CACHD1: variants seen among roughly 807,000 people sequenced by gnomAD.
CACHD1 encodes cache domain containing 1.
CACHD1 carries 71 observed loss-of-function variants against 138.7 expected under a neutral mutation model. That is an observed-to-expected ratio of 0.51 (90% CI 0.42 to 0.62). The LOEUF is 0.62. CACHD1 is among the 20% of genes least tolerant of loss of function. The pLI is 0.00. For synonymous variants in CACHD1, 578 were observed against 591.5 expected (o/e 0.98, Z 0.33); for missense variants, 1,389 against 1,625.3 (o/e 0.85, Z 2.50).
At chr1:64,494,741 TA>T (rs1646296830) in intron 1 of CACHD1, among the ~76,000 whole-genome samples, 1 of 152,196 alleles carries the variant, frequency 6.6e-6, no homozygotes, top group Admixed American at 6.5e-5. Context: ...AAGTAGAACT[TA>T]AAATAGTGCT....
chr1:64,500,831 T>C (rs970997469), intron 1 of CACHD1, among the ~76,000 whole-genome samples: 1 of 151,554 alleles, frequency 6.6e-6, no homozygotes, highest in African/African-American at 2.4e-5. Flanking sequence ...GTGGATCACC[T>C]GAGCTCAGGA....
At position 64,494,011 on chromosome 1, in the gene CACHD1, C is replaced by T. The variant is rs956965061; in HGVS notation, c.198+23069C>T. On this transcript the variant is annotated intron_variant, in intron 1 of 26. Transcript: ENST00000651257. ...TGGCAGAGCTGGGAAGGACCTGCTC[C>T]AGAATAATGGGAGGGAGCGGTGGGA... is the stretch of plus-strand genomic sequence containing the variant. Among the ~76,000 whole-genome samples, 7 of 152,280 alleles carry T rather than the reference C, an allele frequency of 4.6e-5. No individual in the cohort carries two copies. The South Asian group carries it at 1.0e-3, about 23-fold the overall frequency.
intron 2 of CACHD1, among the ~76,000 whole-genome samples, chr1:64,568,846 T>C (rs1257485418): frequency 1.3e-5 from 2 of 152,170 alleles, no homozygotes; most frequent in Non-Finnish European, 2.9e-5. Context: ...AAGCAATATA[T>C]ATCTATTGTT....
In CACHD1 at chr1:64,673,197, C is replaced by T; in HGVS notation, c.2550C>T (p.His850=). 6.2e-7 allele frequency: 1 copy of T among 1,613,794 alleles called. No homozygotes were observed. Among genetic ancestry groups the T allele is most frequent in the Non-Finnish European group, 8.5e-7 (1 of 1,179,972 alleles). ...IMEDRGYLVA[H]PTLIDPKGHA... ...AGGACAGGGGTTATCTGGTGGCGCACCCGACTCTCATCGACCCCAAAGGAC... is the reference window on the plus strand; with the variant it reads ...AGGACAGGGGTTATCTGGTGGCGCATCCGACTCTCATCGACCCCAAAGGAC... The change falls in exon 18 of 27, where the codon CAC becomes CAT. Residue 850 remains histidine (H), a synonymous_variant. Coordinates refer to ENST00000651257, the MANE Select transcript of CACHD1 (RefSeq NM_020925.4).
intron 1 of CACHD1, among the ~76,000 whole-genome samples, chr1:64,543,362 TC>T (rs1646691686): frequency 6.8e-6 from 1 of 145,998 alleles, no homozygotes; most frequent in African/African-American, 2.6e-5. Context: ...TTGAGACCAA[TC>T]TCAGTGACAT....
chr1:64,665,739 G>T (rs868742047), intron 15 of CACHD1, among the ~76,000 whole-genome samples: 1 of 152,050 alleles, frequency 6.6e-6, no homozygotes, highest in South Asian at 2.1e-4. Context: ...TGACTTGGCC[G>T]GGTGCGGTGA....
intron 2 of CACHD1, among the ~76,000 whole-genome samples, chr1:64,575,830 G>A (rs1646962871): frequency 6.6e-6 from 1 of 152,010 alleles, no homozygotes; most frequent in African/African-American, 2.4e-5. Context: ...CTAACTATGT[G>A]CCCACCCCAC....
chr1:64,503,856 A>G (rs563446246), intron 1 of CACHD1, among the ~76,000 whole-genome samples: 4 of 152,308 alleles, frequency 2.6e-5, no homozygotes, highest in African/African-American at 9.6e-5. Context: ...AGCCATCAGC[A>G]TAGTGACCTG....
At chr1:64,561,166 T>C (rs1232345011) in intron 2 of CACHD1, among the ~76,000 whole-genome samples, 2 of 151,654 alleles carry the variant, frequency 1.3e-5, no homozygotes, top group Non-Finnish European at 2.9e-5. Context: ...GGGTTTTTTT[T>C]CTGTTTTTTT....
chr1:64,475,941 C>T (rs1447917743), intron 1 of CACHD1, among the ~76,000 whole-genome samples: 1 of 152,154 alleles, frequency 6.6e-6, no homozygotes, highest in Non-Finnish European at 1.5e-5. Flanking sequence ...GACATAGAGG[C>T]ATTACACTGC....
At chr1:64,647,210 C>T (rs1343569668) in intron 8 of CACHD1, among the ~76,000 whole-genome samples, 1 of 152,046 alleles carries the variant, frequency 6.6e-6, no homozygotes, top group Non-Finnish European at 1.5e-5. Flanking sequence ...AAATCAAGTT[C>T]AGTATTATCC....
Position 64,682,060 on chromosome 1 carries a change from A to C in CACHD1, c.3540A>C (p.Glu1180Asp). The C allele has an allele frequency of 6.2e-7, 1 of 1,614,130 alleles. No individual in the cohort carries two copies. The highest frequency in any genetic ancestry group is 8.5e-7 in the Non-Finnish European group (1 of 1,180,012). Reference sequence around the variant, plus strand: ...TCGAACGACATGCACACAGTCCAGAAAGAAGGCGCCGCTACTGGGGTCGAT... The same window carrying C: ...TCGAACGACATGCACACAGTCCAGACAGAAGGCGCCGCTACTGGGGTCGAT... Reference protein sequence around the residue: ...AVIERHAHSPERRRRYWGRSG... With the variant: ...AVIERHAHSPDRRRRYWGRSG... Residue 1180 changes from glutamate to aspartate, a missense_variant, in exon 26 of 27, where the codon GAA (glutamate) becomes GAC (aspartate). By Grantham distance (45) the Glu-to-Asp change is conservative (BLOSUM62 2). Around this residue, in one of 5 missense-constraint regions of CACHD1, gnomAD observed 250 missense variants for 292.9 expected, o/e 0.85. Coordinates refer to ENST00000651257, the MANE Select transcript of CACHD1 (RefSeq NM_020925.4).
rs1346761797 is a variant in CACHD1, at chr1:64,629,397, A to G, written c.560A>G (p.Gln187Arg). 2 of 1,614,098 alleles carry G rather than the reference A, an allele frequency of 1.2e-6. No individual in the cohort carries two copies. The highest frequency in any genetic ancestry group is 2.2e-5 in the East Asian group (1 of 44,866). ...AAATCCAACCCTGGAATTAAGTGGC[A>G]ATATTTCAGTTCAGAAGAAGGAATT... ...NLKSNPGIKW[Q>R]YFSSEEGIFT... The change falls in exon 5 of 27, where the codon CAA (glutamine) becomes CGA (arginine). Residue 187 changes from glutamine to arginine, a missense_variant. Physicochemically the swap from Gln to Arg is conservative, Grantham distance 43. This residue lies in a region of CACHD1 where 1,000 missense variants were observed against 1,114.7 expected (regional missense o/e 0.90). Coordinates refer to ENST00000651257, the MANE Select transcript of CACHD1 (RefSeq NM_020925.4).
intron 4 of CACHD1, among the ~76,000 whole-genome samples, chr1:64,610,923 T>C (rs1333675249): frequency 1.3e-5 from 2 of 152,178 alleles, no homozygotes; most frequent in Non-Finnish European, 2.9e-5. Context: ...TCCAGGTGTT[T>C]CCATACATCC....
chr1:64,596,273 G>T (rs1647150935), intron 3 of CACHD1, among the ~76,000 whole-genome samples: 1 of 152,126 alleles, frequency 6.6e-6, no homozygotes, highest in Non-Finnish European at 1.5e-5. Context: ...TATTCTCATG[G>T]GTGGTTAAGT....
intron 20 of CACHD1, 149 bp from the exon 21 acceptor site, chr1:64,675,748 C>A: frequency 2.9e-6 from 2 of 698,182 alleles, no homozygotes; most frequent in Middle Eastern, 2.8e-4. Context: ...TGGATTAAGG[C>A]CATTTATGTA....
In CACHD1 at chr1:64,679,603, G is replaced by A; in HGVS notation, c.3253G>A (p.Val1085Met). ...VDDMGAIGDE[V>M]ITLNMIKSAP... ...TTGCTCTTTCACTGAAGGTGATGAG[G>A]TGATCACATTAAACATGATTAAAAG... The change falls in exon 24 of 27, where the codon GTG becomes ATG. Residue 1085 changes from valine (V) to methionine (M), a missense_variant. Val to Met is a conservative substitution (Grantham distance 21). This residue lies in a region of CACHD1 where 250 missense variants were observed against 292.9 expected (regional missense o/e 0.85). Coordinates refer to ENST00000651257, the MANE Select transcript of CACHD1 (RefSeq NM_020925.4). 6.2e-7 allele frequency: 1 copy of A among 1,614,160 alleles called. No homozygotes were observed.
chr1:64,512,714 T>TCATCAG (rs1486445146), intron 1 of CACHD1, among the ~76,000 whole-genome samples: 3 of 152,236 alleles, frequency 2.0e-5, no homozygotes, highest in African/African-American at 4.8e-5. Flanking sequence ...TATTCTCTGC[T>TCATCAG]CATCAGCACA....
At chr1:64,640,537 C>T (rs1327437298) in intron 7 of CACHD1, among the ~76,000 whole-genome samples, 2 of 151,878 alleles carry the variant, frequency 1.3e-5, no homozygotes, top group African/African-American at 4.8e-5. Flanking sequence ...ATTAGCCAGG[C>T]ATAATGGCAC....
Sources: allele counts gnomAD v4.1 joint callset (sites outside exome capture counted in the v4.1 genomes callset), GRCh38; gene constraint gnomAD v4.1.1; regional missense constraint gnomAD v4.1.1; transcripts MANE v1.5; gene names NCBI Gene and HGNC (gene_info 2026-07-23, HGNC 2026-07-21).